UQCC1: variants seen among roughly 807,000 people sequenced by gnomAD.
UQCC1 encodes the protein bFGF-repressed Zic-binding protein.
UQCC1 carries 38 observed loss-of-function variants against 48.0 expected under a neutral mutation model. That is an observed-to-expected ratio of 0.79 (90% CI 0.61 to 1.04). The LOEUF is 1.04. Ranked by LOEUF, UQCC1 falls within the 50% of genes least tolerant of loss-of-function variation. UQCC1 has a pLI of 0.00. For synonymous variants in UQCC1, 111 were observed against 129.2 expected (o/e 0.86, Z 0.95); for missense variants, 368 against 381.8 (o/e 0.96, Z 0.30).
At chr20:35,366,106 T>C (rs2061663387) in intron 6 of UQCC1, among the ~76,000 whole-genome samples, 1 of 152,220 alleles carries the variant, frequency 6.6e-6, no homozygotes, top group Non-Finnish European at 1.5e-5. Context: ...AAACCTGGCA[T>C]GAAGCTAACT....
intron 9 of UQCC1, among the ~76,000 whole-genome samples, chr20:35,305,969 T>C (rs927805429): frequency 1.3e-5 from 2 of 152,198 alleles, no homozygotes; most frequent in Non-Finnish European, 2.9e-5. Flanking sequence ...AGAGCCTCTA[T>C]GTCCTCTTCG....
chr20:35,303,933 C>T lies in UQCC1; in HGVS notation c.*2G>A, dbSNP rs753603067. On this transcript the variant is annotated 3_prime_UTR_variant, in exon 10 of 10. Coordinates refer to ENST00000374385, the MANE Select transcript of UQCC1 (RefSeq NM_018244.5). Reference sequence around the variant, plus strand: ...GGCGGGCCGTGCGGAGGGCCCAGCCCATCAAAGTCCCTCGTCGTTGTAAGT... The same window carrying T: ...GGCGGGCCGTGCGGAGGGCCCAGCCTATCAAAGTCCCTCGTCGTTGTAAGT... 71 of 1,614,072 alleles carry T rather than the reference C, an allele frequency of 4.4e-5. No homozygotes were observed. The South Asian group carries it at 6.6e-4, about 15-fold the overall frequency.
In UQCC1 at chr20:35,405,239, T is replaced by G. The variant is rs554544295; in HGVS notation, c.24+6701A>C. Among the ~76,000 whole-genome samples the G allele has an allele frequency of 1.8e-4, 28 of 152,296 alleles. No homozygotes were observed. In the South Asian group the frequency reaches 3.5e-3, roughly 19 times the overall value. ...AAATTTAACAGAAATTTAAAGAAAT[T>G]TGTTTAATCATTACCTGACCACTAA... On this transcript the variant is annotated intron_variant, in intron 1 of 9. Transcript: ENST00000374385.
rs747250830 is a variant in UQCC1, at chr20:35,381,895, GAGA to G, written c.333+20_333+22del. On this transcript the variant is annotated intron_variant, in intron 4 of 9. Coordinates refer to ENST00000374385, the MANE Select transcript of UQCC1 (RefSeq NM_018244.5). ...AAGCACAATGCCCAAAAGGAAAAAT[GAGA>G]AGAACTTAAAGGACTTTACCCATTT... is the stretch of plus-strand genomic sequence containing the variant. 8 of 1,383,534 alleles carry G rather than the reference GAGA, an allele frequency of 5.8e-6. No homozygotes were observed. In the South Asian group the frequency reaches 8.6e-5, roughly 15 times the overall value. 85.7% of individuals were successfully genotyped at this position (1,383,534 alleles called of 1,614,324 possible).
intron 4 of UQCC1, among the ~76,000 whole-genome samples, chr20:35,379,522 G>T (rs1377269208): frequency 6.6e-6 from 1 of 152,144 alleles, no homozygotes; most frequent in Admixed American, 6.5e-5. Context: ...GAAGGTTATA[G>T]GCTGGGCGCA....
At chr20:35,306,618 G>A in intron 9 of UQCC1, 48 bp downstream of exon 9, 1 of 1,442,838 alleles carries the variant, frequency 6.9e-7, no homozygotes, top group Non-Finnish European at 9.8e-7. Context: ...CCCAAGAGGA[G>A]GACCCACTGT....
intron 7 of UQCC1, among the ~76,000 whole-genome samples, chr20:35,316,445 G>T (rs2061059867): frequency 6.6e-6 from 1 of 152,172 alleles, no homozygotes; most frequent in South Asian, 2.1e-4. Flanking sequence ...CAGTCTGCCA[G>T]GGTTCTGCTT....
At chr20:35,379,436 G>T (rs1255776856) in intron 4 of UQCC1, among the ~76,000 whole-genome samples, 3 of 152,212 alleles carry the variant, frequency 2.0e-5, no homozygotes, top group Non-Finnish European at 4.4e-5. Context: ...AAAATGAAAA[G>T]TTACACATAC....
At position 35,382,279 on chromosome 20, in the gene UQCC1, T is replaced by A. The variant is rs370978463; in HGVS notation, c.226-254A>T. On this transcript the variant is annotated intron_variant, in intron 3 of 9. Transcript: ENST00000374385. ...ACGCCATCACGCCAAGTCAATTTTT[T>A]AAATTTTCTGTGGAGGTGGGGTCCA... Among the ~76,000 whole-genome samples, 6 of 151,662 alleles carry A rather than the reference T, an allele frequency of 4.0e-5. No homozygotes were observed. The East Asian group carries it at 7.8e-4, about 20-fold the overall frequency.
chr20:35,383,824 C>G (rs2061905052), intron 3 of UQCC1, among the ~76,000 whole-genome samples: 1 of 152,110 alleles, frequency 6.6e-6, no homozygotes. Context: ...CTACTCTAGC[C>G]TGGGTGACAG....
At chr20:35,410,716 A>AAAAAAAAAAAAAAAAAAAAAAAAAAAAC (rs1370852913) in intron 1 of UQCC1, among the ~76,000 whole-genome samples, 5 of 108,766 alleles carry the variant, frequency 4.6e-5, no homozygotes, top group African/African-American at 7.7e-5. Context: ...AAAAAAAAAA[A>AAAAAAAAAAAAAAAAAAAAAAAAAAAAC]AAAAAAAACA....
At chr20:35,324,325 T>A (rs767550259) in intron 7 of UQCC1, among the ~76,000 whole-genome samples, 4 of 151,874 alleles carry the variant, frequency 2.6e-5, no homozygotes, top group Non-Finnish European at 5.9e-5. Flanking sequence ...CCCAGCTAAT[T>A]TTTTTTTCTT....
At chr20:35,405,714 C>T (rs571384426) in intron 1 of UQCC1, among the ~76,000 whole-genome samples, 2 of 152,110 alleles carry the variant, frequency 1.3e-5, no homozygotes, top group East Asian at 3.9e-4. Flanking sequence ...ATGGTGAAAC[C>T]CCATCTCTAC....
intron 1 of UQCC1, among the ~76,000 whole-genome samples, chr20:35,402,533 G>C (rs533751413): frequency 6.6e-6 from 1 of 150,504 alleles, no homozygotes; most frequent in Non-Finnish European, 1.5e-5. Context: ...AGCTGAGATC[G>C]CACCACTGCA....
At chr20:35,315,595 TA>T (rs1221697013) in intron 7 of UQCC1, among the ~76,000 whole-genome samples, 1 of 152,056 alleles carries the variant, frequency 6.6e-6, no homozygotes, top group Non-Finnish European at 1.5e-5. Flanking sequence ...ATGTTAAAGT[TA>T]AGAGATCATT....
intron 2 of UQCC1, among the ~76,000 whole-genome samples, chr20:35,389,952 G>A (rs1809261922): frequency 6.6e-6 from 1 of 152,108 alleles, no homozygotes; most frequent in Non-Finnish European, 1.5e-5. Context: ...GATCCAAATG[G>A]ATAAAGAAAA....
intron 5 of UQCC1, among the ~76,000 whole-genome samples, chr20:35,373,038 A>G (rs772538525): frequency 6.6e-6 from 1 of 152,250 alleles, no homozygotes; most frequent in Non-Finnish European, 1.5e-5. Context: ...CTATTACCAC[A>G]GAAGTACACA....
chr20:35,386,770 G>C (rs184047798), intron 2 of UQCC1, among the ~76,000 whole-genome samples: 115 of 151,630 alleles, frequency 7.6e-4, no homozygotes, highest in African/African-American at 2.6e-3. Context: ...ACCATCTACT[G>C]TATTTCTATC....
chr20:35,395,624 C>G (rs937916660), intron 1 of UQCC1, among the ~76,000 whole-genome samples: 1 of 152,142 alleles, frequency 6.6e-6, no homozygotes, highest in Non-Finnish European at 1.5e-5. Flanking sequence ...AATATCATAT[C>G]TGGGTTGCAG....
Sources: gnomAD v4.1 joint callset for allele counts (sites outside exome capture counted in the v4.1 genomes callset) on GRCh38, gnomAD v4.1.1 for gene constraint, MANE v1.5 for transcripts, NCBI Gene and HGNC (gene_info 2026-07-23, HGNC 2026-07-21) for gene names.